Variants in SI observed in about 807,000 individuals in gnomAD.
The protein encoded by SI is sucrase-isomaltase.
SI carries 235 observed loss-of-function variants against 253.3 expected under a neutral mutation model. The observed-to-expected ratio is 0.93, with a 90% CI of 0.83 to 1.03. The LOEUF (loss-of-function observed/expected upper bound fraction) is 1.03, where lower values mean the gene tolerates loss of function less well. SI is among the 50% of genes least tolerant of loss of function. The probability of loss-of-function intolerance (pLI) is 0.00; values close to 1 mark genes in which losing one functional copy is unlikely to be tolerated. For synonymous variants in SI, 819 were observed against 712.0 expected (o/e 1.15, Z -2.39); for missense variants, 2,442 against 2,211.1 (o/e 1.10, Z -2.09).
chr3:165,039,146 A>G lies in SI; in HGVS notation c.2245-12T>C, dbSNP rs749833437. ...ACAGTATCTGCTCCCTAAAATAAAG[A>G]TAATATGTATTTTTTAATTTCAATT... On this transcript the variant is annotated splice_polypyrimidine_tract_variant and intron_variant, in intron 19 of 47. Transcript: ENST00000264382. 3.2e-6 allele frequency: 5 copies of G among 1,541,396 alleles called. No individual in the cohort carries two copies. In the South Asian group the frequency reaches 5.7e-5, roughly 17 times the overall value.
At position 165,037,955 on chromosome 3, in the gene SI, G is replaced by A. The variant is rs764441493; in HGVS notation, c.2371C>T (p.Leu791Phe). ...YLPADKIGLH[L>F]RGGYIIPIQE... The stretch of plus-strand genomic sequence containing the variant: ...ATGGGGATGATATAACCTCCTCTAA[G>A]ATGTAATCCTATTTTGTCTGCTGGA... Residue 791 changes from leucine to phenylalanine, a missense_variant, in exon 21 of 48, where the codon CTT becomes TTT. Physicochemically the swap from Leu to Phe is conservative, Grantham distance 22. Coordinates refer to ENST00000264382, the MANE Select transcript of SI (RefSeq NM_001041.4). 16 of 1,611,320 alleles carry A rather than the reference G, an allele frequency of 9.9e-6. No homozygotes were observed. In the South Asian group the frequency reaches 1.5e-4, roughly 15 times the overall value.
chr3:165,069,806 TATAA>T (rs1273578091), intron 3 of SI, among the ~76,000 whole-genome samples: 1 of 151,792 alleles, frequency 6.6e-6, no homozygotes, highest in African/African-American at 2.4e-5. Flanking sequence ...AAAGAAAAAT[TATAA>T]ATGTTTATTT....
rs766865845 is a variant in SI at position 165,019,734 on chromosome 3, G to A, written c.3291C>T (p.Asp1097=). 6.2e-7 allele frequency: 1 copy of A among 1,612,286 alleles called. No individual in the cohort carries two copies. The highest frequency in any genetic ancestry group is 1.3e-5 in the African/African-American group (1 of 74,764). Residue 1097 remains aspartate (D), a synonymous_variant, in exon 28 of 48, where the codon GAC becomes GAT. Coordinates refer to ENST00000264382, the MANE Select transcript of SI (RefSeq NM_001041.4). ...DSWLPGFAFN[D]QFIQISTRLP... ...GGCGAGTCGATATTTGAATGAACTG[G>A]TCATTAAAAGCAAATCCAGGCAGCC...
In SI at chr3:165,032,586, C is replaced by T; in HGVS notation, c.2672G>A (p.Arg891Lys). Residue 891 changes from arginine to lysine, a missense_variant, in exon 24 of 48, where the codon AGA (arginine) becomes AAA (lysine). Coordinates refer to ENST00000264382, the MANE Select transcript of SI (RefSeq NM_001041.4). ...CATTGGTTGATTATTTTCCGCCACTCTAACTTCTGTAACACTGTCTGTCAA... is the reference window on the plus strand; with the variant it reads ...CATTGGTTGATTATTTTCCGCCACTTTAACTTCTGTAACACTGTCTGTCAA... ...LGLTDSVTEV[R>K]VAENNQPMNA... The T allele has an allele frequency of 5.6e-6, 9 of 1,609,740 alleles. No homozygotes were observed. The highest frequency in any genetic ancestry group is 7.6e-6 in the Non-Finnish European group (9 of 1,177,228).
chr3:165,018,832 A>G (rs181586027), intron 28 of SI, among the ~76,000 whole-genome samples: 13 of 151,634 alleles, frequency 8.6e-5, no homozygotes, highest in Non-Finnish European at 1.5e-4. Context: ...GTTAGTGTTA[A>G]TAGAAAACAG....
chr3:164,979,652 G>T (rs1238343899), intron 47 of SI, among the ~76,000 whole-genome samples: 1 of 151,600 alleles, frequency 6.6e-6, no homozygotes, highest in African/African-American at 2.4e-5. Flanking sequence ...GAAAGGTGAA[G>T]TTGCTGTCAA....
At chr3:165,062,268 A>C (rs1714022966) in intron 9 of SI, 103 bp downstream of exon 9, 4 of 674,294 alleles carry the variant, frequency 5.9e-6, no homozygotes, top group Admixed American at 2.5e-5. Context: ...ACATTTAGCT[A>C]AGAGGCCCCT....
At chr3:165,028,093 T>C (rs1046021228) in intron 25 of SI, among the ~76,000 whole-genome samples, 1 of 151,340 alleles carries the variant, frequency 6.6e-6, no homozygotes, top group African/African-American at 2.4e-5. Flanking sequence ...GCAAAGTTTT[T>C]GGATACAAAA....
At chr3:165,042,169 C>T (rs562180418) in intron 17 of SI, among the ~76,000 whole-genome samples, 10 of 152,186 alleles carry the variant, frequency 6.6e-5, no homozygotes, top group South Asian at 2.1e-4. Flanking sequence ...TACAAGTGAA[C>T]GCAGAGTGTC....
At chr3:165,059,108 A>C in intron 11 of SI, 26 bp from the exon 12 acceptor site, 2 of 1,586,696 alleles carry the variant, frequency 1.3e-6, no homozygotes, top group South Asian at 1.1e-5. Context: ...AGAAACTGCA[A>C]AATCTATTAA....
chr3:164,989,115 T>TAA (rs11420472), intron 44 of SI, among the ~76,000 whole-genome samples: 27 of 143,932 alleles, frequency 1.9e-4, no homozygotes, highest in African/African-American at 6.9e-4. Context: ...AATACATAAT[T>TAA]AAAAAAAAAA....
chr3:165,007,330 A>AT (rs563346111), intron 36 of SI, among the ~76,000 whole-genome samples: 3 of 152,052 alleles, frequency 2.0e-5, no homozygotes, highest in East Asian at 1.9e-4. Context: ...TCAGTTTAAG[A>AT]TTTTTTTCCA....
chr3:165,057,188 T>C (rs1461056289), intron 12 of SI, among the ~76,000 whole-genome samples: 1 of 151,596 alleles, frequency 6.6e-6, no homozygotes, highest in Non-Finnish European at 1.5e-5. Flanking sequence ...AAAACTGCAA[T>C]GGATATACTG....
intron 32 of SI, 68 bp from the exon 33 acceptor site, chr3:165,015,301 G>C: frequency 9.5e-7 from 1 of 1,050,360 alleles, no homozygotes; most frequent in Non-Finnish European, 1.5e-6. Context: ...CAGTGATTAT[G>C]AAGCATAAGT....
chr3:165,023,747 A>G lies in SI; in HGVS notation c.2922T>C (p.Cys974=), dbSNP rs1175385925. 1 of 1,610,380 alleles carries G rather than the reference A, an allele frequency of 6.2e-7. No homozygotes were observed. The highest frequency in any genetic ancestry group is 1.7e-5 in the Admixed American group (1 of 59,650). ...TGSSLSKAPE[C]YFPRQDNSYS... ...AAGAGTTATCTTGTCTGGGAAAGTA[A>G]CACTCAGGTGCTTTGGATAGAGAAG... Residue 974 remains cysteine, a synonymous_variant, in exon 26 of 48, where the codon TGT becomes TGC. Coordinates refer to ENST00000264382, the MANE Select transcript of SI (RefSeq NM_001041.4).
chr3:165,010,006 C>T (rs1718699318), intron 34 of SI, among the ~76,000 whole-genome samples: 1 of 151,936 alleles, frequency 6.6e-6, no homozygotes. Flanking sequence ...GGGTATGTCT[C>T]AAAAAAATGA....
the SI span, among the ~76,000 whole-genome samples, chr3:165,088,908 C>A: frequency 6.6e-6 from 1 of 151,762 alleles, no homozygotes; most frequent in Admixed American, 6.6e-5. Context: ...TTGCTATTTA[C>A]TATAAAATCA....
chr3:165,077,587 G>A (rs1160870649), intron 1 of SI, among the ~76,000 whole-genome samples: 1 of 151,600 alleles, frequency 6.6e-6, no homozygotes, highest in African/African-American at 2.4e-5. Context: ...TGAATGTAAA[G>A]TAAACAGAGC....
At chr3:165,010,632 A>C (rs1425902356) in intron 34 of SI, among the ~76,000 whole-genome samples, 1 of 152,176 alleles carries the variant, frequency 6.6e-6, no homozygotes, top group South Asian at 2.1e-4. Flanking sequence ...CTTTTTCATT[A>C]ATTTTCACTT....
Sources: gnomAD v4.1 joint callset for allele counts (sites outside exome capture counted in the v4.1 genomes callset) on GRCh38, gnomAD v4.1.1 for gene constraint, MANE v1.5 for transcripts, NCBI Gene and HGNC (gene_info 2026-07-23, HGNC 2026-07-21) for gene names.